KIAA1217: variants seen among roughly 807,000 people sequenced by gnomAD.
KIAA1217 encodes the protein sickle tail protein homolog.
A neutral mutation model predicts 163.9 loss-of-function variants in KIAA1217; 88 were observed. That is an observed-to-expected ratio of 0.54 (90% CI 0.45 to 0.64). KIAA1217 has a LOEUF of 0.64. KIAA1217 is among the 30% of genes least tolerant of loss of function. The pLI is 0.00. For synonymous variants in KIAA1217, 903 were observed against 923.1 expected (o/e 0.98, Z 0.39); for missense variants, 2,372 against 2,475.0 (o/e 0.96, Z 0.88).
chr10:24,307,528 C>T (rs573982711), intron 2 of KIAA1217, among the ~76,000 whole-genome samples: 15 of 151,310 alleles, frequency 9.9e-5, no homozygotes, highest in East Asian at 5.9e-4. Flanking sequence ...ATAATCCCAG[C>T]GCTTTGGGAG....
intron 2 of KIAA1217, among the ~76,000 whole-genome samples, chr10:24,081,246 G>A (rs909373099): frequency 6.6e-6 from 1 of 152,298 alleles, no homozygotes; most frequent in African/African-American, 2.4e-5. Flanking sequence ...TGAAGAAAAC[G>A]TGCCAGGAAG....
rs931262713 is a variant in KIAA1217, at chr10:24,059,947, T to C, written c.-171+52573T>C. ...GAATGTATCCATTTCATCTAGGTTA[T>C]CCAATTTGTTGGCATACAGTAGTCT... is the stretch of plus-strand genomic sequence containing the variant. On this transcript the variant is annotated intron_variant, in intron 2 of 18. Coordinates refer to the KIAA1217 transcript ENST00000376462. Among the ~76,000 whole-genome samples, 9 of 152,186 alleles carry C rather than the reference T, an allele frequency of 5.9e-5. No homozygotes were observed. In the East Asian group the frequency reaches 1.5e-3, roughly 26 times the overall value.
Position 24,008,878 on chromosome 10 carries a change from G to A in KIAA1217, c.-171+1504G>A, listed in dbSNP as rs137901178. Among the ~76,000 whole-genome samples the A allele has an allele frequency of 3.4e-3, 525 of 152,250 alleles. 3 individuals carry two copies. The highest frequency in any genetic ancestry group is 0.012 in the African/African-American group (497 of 41,562). Reference sequence around the variant, plus strand: ...TGTATTTGAATCTTTAAAGAGCTAGGCTAAACTTAGAGTCAGCAGACTACC... The same window carrying A: ...TGTATTTGAATCTTTAAAGAGCTAGACTAAACTTAGAGTCAGCAGACTACC... On this transcript the variant is annotated intron_variant, in intron 2 of 18. Transcript: ENST00000376462.
At chr10:24,078,158 A>C (rs1297499786) in intron 2 of KIAA1217, among the ~76,000 whole-genome samples, 3 of 152,210 alleles carry the variant, frequency 2.0e-5, no homozygotes, top group South Asian at 2.1e-4. Context: ...ACTACCATTT[A>C]AAACTAGTAA....
chr10:24,140,740 G>A (rs896967318), intron 2 of KIAA1217, among the ~76,000 whole-genome samples: 5 of 152,152 alleles, frequency 3.3e-5, no homozygotes, highest in East Asian at 1.9e-4. Context: ...TGCAGATAAG[G>A]TGGGGCTGCT....
At chr10:23,740,818 C>A (rs2130809656) in intron 1 of KIAA1217, among the ~76,000 whole-genome samples, 1 of 152,028 alleles carries the variant, frequency 6.6e-6, no homozygotes, top group Non-Finnish European at 1.5e-5. Context: ...ATCCCAGCTA[C>A]TTGGGAGGCT....
chr10:23,869,531 T>C (rs1050507059), intron 1 of KIAA1217, among the ~76,000 whole-genome samples: 2 of 152,118 alleles, frequency 1.3e-5, no homozygotes, highest in Admixed American at 6.6e-5. Flanking sequence ...GCATTATTTA[T>C]ACATGGGCAT....
chr10:24,190,533 G>C (rs2130462088), intron 2 of KIAA1217, among the ~76,000 whole-genome samples: 1 of 152,280 alleles, frequency 6.6e-6, no homozygotes. Flanking sequence ...TTAGAAGTTA[G>C]GGCTTTCCCA....
intron 1 of KIAA1217, among the ~76,000 whole-genome samples, chr10:23,797,808 G>A (rs185014784): frequency 4.5e-4 from 69 of 152,272 alleles, no homozygotes; most frequent in African/African-American, 1.6e-3. Flanking sequence ...ATGAGATTTG[G>A]ATGGGGACAC....
chr10:23,738,497 C>T (rs768883060), intron 1 of KIAA1217, among the ~76,000 whole-genome samples: 13 of 152,168 alleles, frequency 8.5e-5, no homozygotes, highest in East Asian at 3.8e-4. Flanking sequence ...TGATTTTCTG[C>T]GTGCCTGCTG....
chr10:24,339,778 T>C (rs2046834130), intron 2 of KIAA1217, among the ~76,000 whole-genome samples: 1 of 152,238 alleles, frequency 6.6e-6, no homozygotes, highest in Non-Finnish European at 1.5e-5. Context: ...TTATCCACCA[T>C]TTAATTGCAT....
chr10:24,496,533 C>G (rs2066808622), intron 8 of KIAA1217, among the ~76,000 whole-genome samples: 1 of 152,168 alleles, frequency 6.6e-6, no homozygotes. Flanking sequence ...GTTTTGTATT[C>G]TCCTTTTATT....
intron 2 of KIAA1217, among the ~76,000 whole-genome samples, chr10:24,056,053 C>A (rs1348685593): frequency 6.6e-6 from 1 of 152,090 alleles, no homozygotes; most frequent in East Asian, 1.9e-4. Context: ...AAAAAAAGCT[C>A]CAATGCAAAG....
intron 3 of KIAA1217, among the ~76,000 whole-genome samples, chr10:24,394,921 C>T (rs946984234): frequency 5.3e-5 from 8 of 152,148 alleles, no homozygotes; most frequent in East Asian, 3.9e-4. Context: ...TAGCAGGAGA[C>T]GTGTTAAAGC....
intron 2 of KIAA1217, among the ~76,000 whole-genome samples, chr10:24,175,778 T>C (rs2065857053): frequency 6.6e-6 from 1 of 152,134 alleles, no homozygotes; most frequent in Non-Finnish European, 1.5e-5. Context: ...GTGGTGAGTG[T>C]TACAGTTCTT....
chr10:24,520,651 A>ATAT (rs1214959660), intron 11 of KIAA1217, among the ~76,000 whole-genome samples: 49 of 39,626 alleles, frequency 1.2e-3, no homozygotes, highest in East Asian at 2.6e-3. Flanking sequence ...AAAAAAAAAA[A>ATAT]ATATATATAT....
At chr10:23,835,672 C>G (rs1239379049) in intron 1 of KIAA1217, among the ~76,000 whole-genome samples, 1 of 152,160 alleles carries the variant, frequency 6.6e-6, no homozygotes, top group Non-Finnish European at 1.5e-5. Flanking sequence ...TTCTGCCACA[C>G]CTTTAATGTC....
intron 3 of KIAA1217, among the ~76,000 whole-genome samples, chr10:24,404,258 C>G (rs1016762659): frequency 6.6e-6 from 1 of 152,170 alleles, no homozygotes; most frequent in Admixed American, 6.5e-5. Flanking sequence ...CTGAGCCCAC[C>G]CCTACAGTTC....
At chr10:23,860,633 C>T (rs1369515854) in intron 1 of KIAA1217, among the ~76,000 whole-genome samples, 1 of 152,068 alleles carries the variant, frequency 6.6e-6, no homozygotes, top group Non-Finnish European at 1.5e-5. Flanking sequence ...AAAGCAAATA[C>T]ATTACTACTA....
Sources: gnomAD v4.1 joint callset for allele counts (sites outside exome capture counted in the v4.1 genomes callset) on GRCh38, gnomAD v4.1.1 for gene constraint, MANE v1.5 for transcripts, NCBI Gene and HGNC (gene_info 2026-07-23, HGNC 2026-07-21) for gene names.